BRF1: variants seen among roughly 807,000 people sequenced by gnomAD.
The protein encoded by BRF1 is BRF1 general transcription factor IIIB subunit.
A neutral mutation model predicts 81.7 loss-of-function variants in BRF1; 59 were observed. The observed-to-expected ratio is 0.72, with a 90% confidence interval of 0.59 to 0.90. BRF1 has a LOEUF of 0.90. Among genes scored for constraint, BRF1 ranks in the 40% least tolerant of loss-of-function variants. BRF1 has a pLI of 0.00. For synonymous variants in BRF1, 491 were observed against 395.6 expected, an observed-to-expected ratio of 1.24 and a Z score of -2.86; for missense variants, 1,050 against 936.3, an observed-to-expected ratio of 1.12 and a Z score of -1.58.
rs771133021 is a variant in BRF1 at position 105,219,065 on chromosome 14, G to A, written c.1460-12C>T. The A allele has an allele frequency of 3.1e-6, 5 of 1,613,822 alleles. No individual in the cohort carries two copies. The highest frequency in any genetic ancestry group is 1.7e-5 in the Admixed American group (1 of 59,990). Reference sequence around the variant, plus strand: ...TCTTGCTTCTTTTTCTAAAAGTTCAGAAAGGGGGCCAGCGTCACTGAGGGC... The same window carrying A: ...TCTTGCTTCTTTTTCTAAAAGTTCAAAAAGGGGGCCAGCGTCACTGAGGGC... On this transcript the variant is annotated splice_polypyrimidine_tract_variant and intron_variant, in intron 13 of 17. Coordinates refer to ENST00000547530, the MANE Select transcript of BRF1 (RefSeq NM_001519.4).
chr14:105,215,619 GCACA>G (rs587637381), intron 15 of BRF1, among the ~76,000 whole-genome samples: 2 of 129,320 alleles, frequency 1.5e-5, no homozygotes, highest in East Asian at 5.0e-4. Flanking sequence ...ACAGAAACAG[GCACA>G]CACACACTGC....
At chr14:105,216,735 C>A (rs1214552085) in intron 15 of BRF1, among the ~76,000 whole-genome samples, 2 of 152,242 alleles carry the variant, frequency 1.3e-5, no homozygotes, top group African/African-American at 4.8e-5. Flanking sequence ...GTCAGCACTG[C>A]CCCACAGGCG....
At chr14:105,293,740 CG>C (rs1175442258) in intron 1 of BRF1, among the ~76,000 whole-genome samples, 5 of 152,168 alleles carry the variant, frequency 3.3e-5, no homozygotes, top group African/African-American at 1.2e-4. Context: ...TCGGGTGCCC[CG>C]GGACGCTGGA....
chr14:105,295,710 G>T (rs1249386031), intron 1 of BRF1, among the ~76,000 whole-genome samples: 2 of 151,582 alleles, frequency 1.3e-5, no homozygotes, highest in Non-Finnish European at 2.9e-5. Flanking sequence ...CTTGAACCCA[G>T]AAGTTCCAGG....
chr14:105,259,412 T>C (rs991556928), intron 3 of BRF1, among the ~76,000 whole-genome samples: 1 of 152,176 alleles, frequency 6.6e-6, no homozygotes, highest in Non-Finnish European at 1.5e-5. Flanking sequence ...ACCACTGCAC[T>C]GAGCTGGGGC....
chr14:105,249,566 G>C (rs2055452803), intron 5 of BRF1: 1 of 1,588,312 alleles, frequency 6.3e-7, no homozygotes, highest in Non-Finnish European at 8.6e-7. Flanking sequence ...GGAGCTGATG[G>C]ACTCCTCTCC....
chr14:105,229,724 G>C (rs1338236642), intron 6 of BRF1, among the ~76,000 whole-genome samples: 3 of 76,330 alleles, frequency 3.9e-5, no homozygotes, highest in South Asian at 5.7e-4. Context: ...ACCACTGTCC[G>C]CGTAGTCGCC....
chr14:105,212,207 C>T lies in BRF1; in HGVS notation c.1773-43G>A, dbSNP rs374085127. ...GCATGGCGGCCTCAGCCCAGGCTCC[C>T]GAACGCCTGCCCACTTGTTCCCTTT... is the stretch of plus-strand genomic sequence containing the variant. On this transcript the variant is annotated intron_variant, in intron 15 of 17. Coordinates refer to ENST00000547530, the MANE Select transcript of BRF1 (RefSeq NM_001519.4). 17 of 1,591,256 alleles carry T rather than the reference C, an allele frequency of 1.1e-5. No individual in the cohort carries two copies. In the East Asian group the frequency reaches 2.5e-4, roughly 24 times the overall value.
intron 5 of BRF1, chr14:105,250,948 C>T (rs2055573323): frequency 8.9e-6 from 4 of 447,192 alleles, no homozygotes; most frequent in African/African-American, 7.8e-5. Flanking sequence ...CCCATGCCAC[C>T]TGCTTTGAGG....
At chr14:105,300,229 G>A (rs1159622183) in intron 1 of BRF1, among the ~76,000 whole-genome samples, 1 of 152,230 alleles carries the variant, frequency 6.6e-6, no homozygotes, top group Non-Finnish European at 1.5e-5. Context: ...CCACGCGTGT[G>A]TCGAGGAAGT....
At chr14:105,259,312 A>G (rs1462939767) in intron 3 of BRF1, among the ~76,000 whole-genome samples, 1 of 152,130 alleles carries the variant, frequency 6.6e-6, no homozygotes, top group Non-Finnish European at 1.5e-5. Flanking sequence ...GGGTATGGTG[A>G]CAAACACTTA....
At chr14:105,229,393 C>G (rs1016028068) in intron 6 of BRF1, among the ~76,000 whole-genome samples, 1 of 152,214 alleles carries the variant, frequency 6.6e-6, no homozygotes, top group African/African-American at 2.4e-5. Context: ...CTCAGGTGGA[C>G]TGAATCCTGC....
intron 5 of BRF1, chr14:105,249,878 G>A (rs2055484290): frequency 3.7e-6 from 6 of 1,611,808 alleles, no homozygotes; most frequent in East Asian, 2.2e-5. Context: ...CCTACGGTCC[G>A]AAGGCTTCTG....
At chr14:105,262,364 C>T (rs988817764) in intron 3 of BRF1, among the ~76,000 whole-genome samples, 5 of 152,308 alleles carry the variant, frequency 3.3e-5, no homozygotes, top group South Asian at 4.1e-4. Context: ...ATGACTGATG[C>T]GGGGTAGGAG....
At chr14:105,280,850 G>A (rs1403953126) in intron 2 of BRF1, among the ~76,000 whole-genome samples, 2 of 151,474 alleles carry the variant, frequency 1.3e-5, no homozygotes, top group Admixed American at 1.3e-4. Flanking sequence ...ATGACCCTGA[G>A]CCCGGGTGTG....
chr14:105,211,670 G>C, intron 16 of BRF1: 1 of 357,602 alleles, frequency 2.8e-6, no homozygotes, highest in Non-Finnish European at 5.1e-6. Flanking sequence ...CAGAGGCTCT[G>C]CTCCGGCCCC....
intron 16 of BRF1, chr14:105,211,745 C>A (rs1489745963): frequency 7.8e-6 from 3 of 387,002 alleles, no homozygotes; most frequent in Admixed American, 4.0e-5. Context: ...CAGTCCCCAA[C>A]AAGTGACAGT....
At chr14:105,249,260 G>T in intron 5 of BRF1, 1 of 1,563,928 alleles carries the variant, frequency 6.4e-7, no homozygotes, top group East Asian at 2.3e-5. Flanking sequence ...GGGTAGCGGC[G>T]GCCCCTCTCG....
At chr14:105,273,775 A>G (rs587664427) in intron 2 of BRF1, among the ~76,000 whole-genome samples, 1 of 152,332 alleles carries the variant, frequency 6.6e-6, no homozygotes, top group Non-Finnish European at 1.5e-5. Flanking sequence ...ACACTGCGGA[A>G]AGCTGCAGGG....
Sources: allele counts gnomAD v4.1 joint callset (sites outside exome capture counted in the v4.1 genomes callset), GRCh38; gene constraint gnomAD v4.1.1; transcripts MANE v1.5; gene names NCBI Gene and HGNC (gene_info 2026-07-23, HGNC 2026-07-21).